The following LCLAT1 variants were observed in gnomAD, a reference collection of about 807,000 sequenced individuals.
The protein encoded by LCLAT1 is 1-AGP acyltransferase 8.
In LCLAT1, 11 loss-of-function variants were observed where a neutral mutation model predicts 30.7. The observed-to-expected ratio is 0.36, with a 90% CI of 0.23 to 0.59. LCLAT1 has a LOEUF of 0.59. Among genes scored for constraint, LCLAT1 ranks in the 20% least tolerant of loss-of-function variants. The pLI is 0.77. For synonymous variants in LCLAT1, 155 were observed against 151.3 expected, an observed-to-expected ratio of 1.02 and a Z score of -0.18; for missense variants, 402 against 458.6, an observed-to-expected ratio of 0.88 and a Z score of 1.13.
intron 1 of LCLAT1, among the ~76,000 whole-genome samples, chr2:30,456,178 A>G (rs1408815144): frequency 3.9e-5 from 6 of 152,182 alleles, no homozygotes; most frequent in Non-Finnish European, 7.3e-5. Context: ...GGGTGTCCTC[A>G]TTACTACTGG....
At chr2:30,449,193 A>G (rs550844825) in intron 1 of LCLAT1, among the ~76,000 whole-genome samples, 9 of 152,336 alleles carry the variant, frequency 5.9e-5, no homozygotes, top group Non-Finnish European at 1.3e-4. Context: ...CATGCCTACT[A>G]TCTTCCTATG....
intron 5 of LCLAT1, among the ~76,000 whole-genome samples, chr2:30,586,425 C>T (rs1353505510): frequency 6.6e-6 from 1 of 152,168 alleles, no homozygotes; most frequent in Non-Finnish European, 1.5e-5. Context: ...AGCATGACTC[C>T]AGTCTTTATA....
At chr2:30,555,898 C>G (rs990371589) in intron 3 of LCLAT1, among the ~76,000 whole-genome samples, 1 of 144,988 alleles carries the variant, frequency 6.9e-6, no homozygotes, top group Non-Finnish European at 1.5e-5. Flanking sequence ...AGTGCACTGG[C>G]GCGATCTGGG....
At chr2:30,538,962 C>CT (rs745791329) in intron 3 of LCLAT1, among the ~76,000 whole-genome samples, 3,262 of 141,488 alleles carry the variant, frequency 0.023, 39 homozygotes, top group African/African-American at 0.036. Context: ...CCCCCAACCT[C>CT]TTTTTTTTTT....
chr2:30,463,616 A>G (rs1361841164), intron 1 of LCLAT1, among the ~76,000 whole-genome samples: 1 of 152,232 alleles, frequency 6.6e-6, no homozygotes, highest in East Asian at 1.9e-4. Context: ...TCCCTAAACA[A>G]TATAACTATT....
chr2:30,609,176 C>T (rs1320615075), intron 5 of LCLAT1, among the ~76,000 whole-genome samples: 2 of 151,474 alleles, frequency 1.3e-5, no homozygotes, highest in Non-Finnish European at 2.9e-5. Flanking sequence ...TAGATATAAT[C>T]CCTTGTTGAA....
At chr2:30,554,016 C>G (rs1473360449) in intron 3 of LCLAT1, among the ~76,000 whole-genome samples, 1 of 152,036 alleles carries the variant, frequency 6.6e-6, no homozygotes, top group Non-Finnish European at 1.5e-5. Context: ...AACCCAAACC[C>G]CTTGCCAGGT....
intron 1 of LCLAT1, among the ~76,000 whole-genome samples, chr2:30,519,711 G>C (rs1286477338): frequency 6.6e-6 from 1 of 152,168 alleles, no homozygotes; most frequent in Non-Finnish European, 1.5e-5. Context: ...AGAGCACCCG[G>C]GGAGGGACAG....
At chr2:30,464,559 C>A (rs829568) in intron 1 of LCLAT1, among the ~76,000 whole-genome samples, 1 of 152,108 alleles carries the variant, frequency 6.6e-6, no homozygotes, top group East Asian at 1.9e-4. Flanking sequence ...AGAGAAAGAA[C>A]GCTCTGTTTT....
intron 1 of LCLAT1, among the ~76,000 whole-genome samples, chr2:30,510,960 T>C: frequency 6.6e-6 from 1 of 152,212 alleles, no homozygotes; most frequent in Non-Finnish European, 1.5e-5. Flanking sequence ...TTATTGTCTT[T>C]TTGAAAATGT....
At chr2:30,602,187 AGT>A (rs1558548514) in intron 5 of LCLAT1, among the ~76,000 whole-genome samples, 1 of 152,152 alleles carries the variant, frequency 6.6e-6, no homozygotes, top group East Asian at 1.9e-4. Flanking sequence ...TGGGGTGATA[AGT>A]GTGTTTGAGA....
At chr2:30,459,272 C>G (rs1054319018) in intron 1 of LCLAT1, among the ~76,000 whole-genome samples, 28 of 152,284 alleles carry the variant, frequency 1.8e-4, no homozygotes, top group African/African-American at 6.7e-4. Context: ...AGCAGAAGCT[C>G]CAAGGACCTG....
chr2:30,586,351 G>A (rs904567894), intron 5 of LCLAT1, among the ~76,000 whole-genome samples: 1 of 152,018 alleles, frequency 6.6e-6, no homozygotes, highest in Admixed American at 6.5e-5. Flanking sequence ...GAAGGCTTTG[G>A]GGAAGAGTCC....
intron 3 of LCLAT1, among the ~76,000 whole-genome samples, chr2:30,560,110 G>A (rs1452146440): frequency 2.6e-5 from 4 of 152,056 alleles, no homozygotes; most frequent in East Asian, 1.9e-4. Context: ...GTGTGGGAGC[G>A]GGCAGTGTAC....
intron 1 of LCLAT1, among the ~76,000 whole-genome samples, chr2:30,485,417 A>G (rs141710380): frequency 2.0e-4 from 30 of 152,244 alleles, no homozygotes; most frequent in Admixed American, 1.4e-3. Flanking sequence ...ATCTTTTTCA[A>G]TACTTGCCAT....
At chr2:30,573,869 T>G (rs774392964) in intron 5 of LCLAT1, among the ~76,000 whole-genome samples, 14 of 152,332 alleles carry the variant, frequency 9.2e-5, no homozygotes, top group Non-Finnish European at 1.0e-4. Flanking sequence ...TTGGTCAATG[T>G]AATTTTATAC....
chr2:30,534,219 CTGTGTGTGTGTGTGTGTGTGTGTG>C (rs57380693), intron 3 of LCLAT1, among the ~76,000 whole-genome samples: 56 of 130,580 alleles, frequency 4.3e-4, no homozygotes, highest in African/African-American at 1.1e-3. Context: ...AGTTGATTTA[CTGTGTGTGTGTGTGTGTGTGTGTG>C]TGTGTGTGTG....
rs369472106 is a variant in LCLAT1, at chr2:30,617,422, T to C, written c.629-22695T>C. On this transcript the variant is annotated intron_variant, in intron 5 of 5. Transcript: ENST00000379509. ...TGTGTGGAATATGCCACAATTTCTT[T>C]AACCATTCATGGACTGATAGACACC... 8.5e-5 allele frequency among the ~76,000 whole-genome samples: 13 copies of C among 152,330 alleles called. No individual in the cohort carries two copies. In the East Asian group the frequency reaches 2.1e-3, roughly 25 times the overall value.
At chr2:30,476,592 C>T (rs1192531066) in intron 1 of LCLAT1, 2 of 449,250 alleles carry the variant, frequency 4.5e-6, no homozygotes, top group Non-Finnish European at 8.9e-6. Context: ...ACCATCTAGT[C>T]TCAGGAAAAC....
Sources: gnomAD v4.1 joint callset for allele counts (sites outside exome capture counted in the v4.1 genomes callset) on GRCh38, gnomAD v4.1.1 for gene constraint, MANE v1.5 for transcripts, NCBI Gene and HGNC (gene_info 2026-07-23, HGNC 2026-07-21) for gene names.